Variants in LY9 observed in about 807,000 individuals in gnomAD.
LY9 encodes the protein lymphocyte antigen 9.
LY9 carries 59 observed loss-of-function variants against 64.6 expected under a neutral mutation model. That is an observed-to-expected ratio of 0.91 (90% confidence interval 0.74 to 1.13). The LOEUF is 1.13. Among genes scored for constraint, LY9 ranks in the 50% most tolerant of loss-of-function variants. The probability of loss-of-function intolerance (pLI) is 0.00; values close to 1 mark genes in which losing one functional copy is unlikely to be tolerated. For synonymous variants in LY9, 281 were observed against 308.5 expected, an observed-to-expected ratio of 0.91 and a Z score of 0.93; for missense variants, 789 against 797.2, an observed-to-expected ratio of 0.99 and a Z score of 0.12.
intron 2 of LY9, 158 bp from the exon 3 acceptor site, chr1:160,813,478 A>C (rs1374441058): frequency 6.2e-6 from 4 of 642,232 alleles, no homozygotes; most frequent in Non-Finnish European, 8.0e-6. Flanking sequence ...TACAGAGGAG[A>C]GGCTGTCAAC....
chr1:160,825,047 T>C (rs1185764088), intron 9 of LY9, among the ~76,000 whole-genome samples: 1 of 149,770 alleles, frequency 6.7e-6, no homozygotes, highest in East Asian at 2.0e-4. Flanking sequence ...TATAAAAAGT[T>C]CAAAAAAAAT....
intron 7 of LY9, among the ~76,000 whole-genome samples, chr1:160,819,702 A>T (rs1386558795): frequency 1.3e-5 from 2 of 151,022 alleles, no homozygotes; most frequent in Non-Finnish European, 2.9e-5. Flanking sequence ...GAGGCATGAG[A>T]ATCTATTTAA....
At chr1:160,809,333 TTTA>T (rs138398905) in intron 2 of LY9, among the ~76,000 whole-genome samples, 1,507 of 140,238 alleles carry the variant, frequency 0.011, 32 homozygotes, top group African/African-American at 0.035. Context: ...AAATCCTGAA[TTTA>T]TTATTATTAT....
rs1480893053 is a variant in LY9, at chr1:160,799,685, G to C, written c.125-68G>C. ...CATTTATGCCCAATGTATATTCACA[G>C]AGTGAAAGAAAGAAGGCTAGCTCAA... On this transcript the variant is annotated intron_variant, in intron 1 of 9. Coordinates refer to ENST00000263285, the MANE Select transcript of LY9 (RefSeq NM_002348.4). 3 of 941,900 alleles carry C rather than the reference G, an allele frequency of 3.2e-6. No homozygotes were observed. In the Admixed American group the frequency reaches 6.7e-5, roughly 21 times the overall value. The allele number at this position is 941,900 out of a possible 1,614,324, so 58.3% of individuals were successfully genotyped here. A position where few individuals can be genotyped will look rare whatever the true frequency, so the allele number is the denominator to read the frequency against.
In LY9 at chr1:160,821,151, T is replaced by TAAAAAAAAAAAAAAAAA. The variant is rs373539992; in HGVS notation, c.1498+1779_1498+1795dup. 2.6e-3 allele frequency among the ~76,000 whole-genome samples: 269 copies of TAAAAAAAAAAAAAAAAA among 104,944 alleles called. 6 individuals carry two copies. Among genetic ancestry groups the TAAAAAAAAAAAAAAAAA allele is most frequent in the Middle Eastern group, 5.3e-3 (1 of 190 alleles). The allele number at this position is 104,944 out of a possible 152,430, so 68.8% of individuals were successfully genotyped here. ...CTGGGCAAAAAAAGTGAAACTTTGC[T>TAAAAAAAAAAAAAAAAA]AAAAAAAAAAAAAAAAAACCATATA... On this transcript the variant is annotated intron_variant, in intron 7 of 9. Transcript: ENST00000263285.
intron 2 of LY9, among the ~76,000 whole-genome samples, chr1:160,806,312 T>G (rs1666988264): frequency 6.6e-6 from 1 of 152,196 alleles, no homozygotes; most frequent in Non-Finnish European, 1.5e-5. Context: ...TTCAAGTCCT[T>G]TCTCTTCACC....
intron 8 of LY9, 117 bp from the exon 9 acceptor site, chr1:160,824,063 TC>T: frequency 7.7e-7 from 1 of 1,297,664 alleles, no homozygotes; most frequent in Non-Finnish European, 1.1e-6. Flanking sequence ...CTAAGGCAGC[TC>T]CCACCCTGTG....
chr1:160,815,948 C>T (rs1667915964), intron 4 of LY9, among the ~76,000 whole-genome samples: 1 of 152,208 alleles, frequency 6.6e-6, no homozygotes, highest in Non-Finnish European at 1.5e-5. Flanking sequence ...ACATGGTCAG[C>T]ATACCCCCTG....
At chr1:160,801,880 C>T in intron 2 of LY9, 2 of 1,614,130 alleles carry the variant, frequency 1.2e-6, no homozygotes, top group Non-Finnish European at 1.7e-6. Flanking sequence ...ATCATCAGCA[C>T]CCTGGCTGAG....
intron 1 of LY9, 138 bp downstream of exon 1, chr1:160,796,449 G>T (rs1412634790): frequency 9.1e-7 from 1 of 1,095,682 alleles, no homozygotes; most frequent in African/African-American, 1.6e-5. Flanking sequence ...CTGGAGTGAA[G>T]TGGCGCAATC....
rs142997286 is a variant in LY9 at position 160,814,512 on chromosome 1, C to A, written c.823C>A (p.Arg275=). The change falls in exon 4 of 10, where the codon CGG becomes AGG. Residue 275 remains arginine, a synonymous_variant. Coordinates refer to ENST00000263285, the MANE Select transcript of LY9 (RefSeq NM_002348.4). ...CCTGCCACTTGCACTCCCAGCCTGC[C>A]GGGACACAGAGAAGGTTGTCTGGTT... ...VTLPLALPAC[R]DTEKVVWLFN... 1.9e-6 allele frequency: 3 copies of A among 1,614,020 alleles called. No individual in the cohort carries two copies. The highest frequency in any genetic ancestry group is 2.5e-6 in the Non-Finnish European group (3 of 1,179,984).
chr1:160,825,094 G>T (rs1291791499), intron 9 of LY9, among the ~76,000 whole-genome samples: 1 of 151,272 alleles, frequency 6.6e-6, no homozygotes, highest in Non-Finnish European at 1.5e-5. Flanking sequence ...TGTAGTCCCA[G>T]CTACTTAGGA....
rs752010304 is a variant in LY9 at position 160,823,574 on chromosome 1, C to T, written c.1608C>T (p.Ser536=). 5 of 1,614,090 alleles carry T rather than the reference C, an allele frequency of 3.1e-6. No individual in the cohort carries two copies. In the East Asian group the frequency reaches 1.1e-4, roughly 36 times the overall value. The change falls in exon 8 of 10, where the codon AGC becomes AGT. Residue 536 remains serine (S), a synonymous_variant. Coordinates refer to ENST00000263285, the MANE Select transcript of LY9 (RefSeq NM_002348.4). ...AGCCTACACCCACCTCAGACAGCAG[C>T]TCTGACAGCAACCTCACAACTGAGG... ...RQQPTPTSDS[S]SDSNLTTEED...
intron 2 of LY9, chr1:160,813,391 C>A (rs1040957573): frequency 1.8e-6 from 1 of 544,776 alleles, no homozygotes; most frequent in Non-Finnish European, 3.3e-6. Context: ...TTACACTGGT[C>A]GGGGAGAGAG....
Position 160,819,394 on chromosome 1 carries a change from A to G in LY9, c.1498+20A>G. 2 of 1,602,066 alleles carry G rather than the reference A, an allele frequency of 1.2e-6. No homozygotes were observed. The highest frequency in any genetic ancestry group is 1.7e-6 in the Non-Finnish European group (2 of 1,169,214). On this transcript the variant is annotated intron_variant, in intron 7 of 9. Coordinates refer to ENST00000263285, the MANE Select transcript of LY9 (RefSeq NM_002348.4). ...CACCAGGTAACATCACCCATGACAC[A>G]GGCTATGGGGTATCTGGTCCAAATG...
At chr1:160,823,841 A>G in intron 8 of LY9, 45 bp downstream of exon 8, 5 of 1,464,052 alleles carry the variant, frequency 3.4e-6, no homozygotes, top group Non-Finnish European at 4.7e-6. Context: ...TCCCATGTCT[A>G]GCGGCATCTG....
Position 160,799,980 on chromosome 1 carries a change from A to G in LY9, c.352A>G (p.Ile118Val). The G allele has an allele frequency of 6.2e-7, 1 of 1,614,220 alleles. No individual in the cohort carries two copies. The highest frequency in any genetic ancestry group is 8.5e-7 in the Non-Finnish European group (1 of 1,180,022). ...DITKWSYSLC[I>V]SNLTLNDAGS... ...CACCAAGTGGAGTTACTCCCTGTGC[A>G]TCAGCAATCTGACTCTGAATGATGC... The change falls in exon 2 of 10, where the codon ATC becomes GTC. Residue 118 changes from isoleucine to valine, a missense_variant. Coordinates refer to ENST00000263285, the MANE Select transcript of LY9 (RefSeq NM_002348.4).
At chr1:160,806,992 T>C (rs1667046854) in intron 2 of LY9, among the ~76,000 whole-genome samples, 1 of 152,224 alleles carries the variant, frequency 6.6e-6, no homozygotes, top group Admixed American at 6.5e-5. Flanking sequence ...TGAGATTCTT[T>C]CTTCAGCCTA....
At chr1:160,822,600 A>T (rs1159955578) in intron 7 of LY9, among the ~76,000 whole-genome samples, 1 of 152,168 alleles carries the variant, frequency 6.6e-6, no homozygotes, top group Admixed American at 6.5e-5. Context: ...TAAAAAGAAA[A>T]GCCTGACCAA....
Sources: gnomAD v4.1 joint callset for allele counts (sites outside exome capture counted in the v4.1 genomes callset) on GRCh38, gnomAD v4.1.1 for gene constraint, MANE v1.5 for transcripts, NCBI Gene and HGNC (gene_info 2026-07-23, HGNC 2026-07-21) for gene names.